The following CFDP1 variants were observed in gnomAD, a reference collection of about 807,000 sequenced individuals.
CFDP1 encodes the protein heterochromatin-stabilizing protein CFDP1.
In CFDP1, 31 loss-of-function variants were observed where a neutral mutation model predicts 40.1. That is an observed-to-expected ratio of 0.77 (90% CI 0.58 to 1.04). CFDP1 has a LOEUF of 1.04. CFDP1 is among the 50% of genes least tolerant of loss of function. The pLI is 0.00. For synonymous variants in CFDP1, 167 were observed against 120.0 expected, an observed-to-expected ratio of 1.39 and a Z score of -2.56; for missense variants, 423 against 343.4, an observed-to-expected ratio of 1.23 and a Z score of -1.83.
intron 6 of CFDP1, among the ~76,000 whole-genome samples, chr16:75,296,587 C>A (rs181292165): frequency 2.6e-5 from 4 of 152,142 alleles, no homozygotes; most frequent in Non-Finnish European, 4.4e-5. Context: ...TAACTGGGTA[C>A]GAATAAAGGT....
chr16:75,296,005 G>C (rs1053787222), intron 6 of CFDP1, among the ~76,000 whole-genome samples: 17 of 152,130 alleles, frequency 1.1e-4, no homozygotes, highest in African/African-American at 3.9e-4. Flanking sequence ...CCCAAGGGAG[G>C]CTCACTACCA....
chr16:75,400,694 A>G (rs2079044270), intron 4 of CFDP1, among the ~76,000 whole-genome samples: 1 of 152,214 alleles, frequency 6.6e-6, no homozygotes, highest in Non-Finnish European at 1.5e-5. Context: ...AAATCTATGT[A>G]TTCATTCTTC....
chr16:75,356,585 C>G (rs926807432), intron 5 of CFDP1, among the ~76,000 whole-genome samples: 4 of 152,126 alleles, frequency 2.6e-5, no homozygotes, highest in Admixed American at 1.3e-4. Context: ...TGAGCACTGA[C>G]TTCAACTTAA....
rs71158596 is a variant in CFDP1, at chr16:75,297,146, T to TTG, written c.810-3106_810-3105dup. ...GCTTGGGGTTCTTGCTTCCCATTTC[T>TTG]TGTGTGTGTGTGTGTGTGTCTGTGT... On this transcript the variant is annotated intron_variant, in intron 6 of 6. Transcript: ENST00000283882. Among the ~76,000 whole-genome samples, 1,184 of 133,066 alleles carry TTG rather than the reference T, an allele frequency of 8.9e-3. 11 individuals carry two copies. The highest frequency in any genetic ancestry group is 0.029 in the African/African-American group (1,070 of 37,300). 87.3% of individuals were successfully genotyped at this position (133,066 alleles called of 152,430 possible). A position where few individuals can be genotyped will look rare whatever the true frequency, so the allele number is the denominator to read the frequency against.
chr16:75,369,244 A>G (rs2078735809), intron 5 of CFDP1, among the ~76,000 whole-genome samples: 1 of 152,190 alleles, frequency 6.6e-6, no homozygotes, highest in South Asian at 2.1e-4. Context: ...GAATAATAAA[A>G]AAAGTAGCTT....
chr16:75,348,711 T>C (rs1407063062), intron 5 of CFDP1, among the ~76,000 whole-genome samples: 3 of 152,228 alleles, frequency 2.0e-5, no homozygotes, highest in African/African-American at 7.2e-5. Flanking sequence ...TGTGTTGCCA[T>C]ATTATCTTTC....
chr16:75,354,192 G>A (rs2078631396), intron 5 of CFDP1, among the ~76,000 whole-genome samples: 1 of 152,202 alleles, frequency 6.6e-6, no homozygotes. Context: ...GGTAGGCTAG[G>A]CCAAGCTTTG....
chr16:75,427,821 A>G (rs1180396543), intron 1 of CFDP1, among the ~76,000 whole-genome samples: 1 of 152,258 alleles, frequency 6.6e-6, no homozygotes, highest in Non-Finnish European at 1.5e-5. Context: ...ATTTGTAATC[A>G]TAAAAAATTG....
chr16:75,326,335 T>G (rs2078400855), intron 5 of CFDP1, among the ~76,000 whole-genome samples: 1 of 152,180 alleles, frequency 6.6e-6, no homozygotes, highest in South Asian at 2.1e-4. Context: ...CTCTGGAAGC[T>G]AAAAACCAAC....
intron 5 of CFDP1, among the ~76,000 whole-genome samples, chr16:75,321,620 C>T (rs372815465): frequency 1.3e-5 from 2 of 152,150 alleles, no homozygotes; most frequent in Non-Finnish European, 1.5e-5. Flanking sequence ...TAGTGATAAG[C>T]GGAAAAGAGG....
intron 5 of CFDP1, chr16:75,362,992 G>C (rs1301892745): frequency 6.6e-6 from 1 of 152,088 alleles, no homozygotes; most frequent in African/African-American, 2.4e-5. Context: ...CTGAAATCCA[G>C]ATACTTGTCT....
At chr16:75,387,432 C>A (rs975473546) in intron 5 of CFDP1, among the ~76,000 whole-genome samples, 1 of 152,126 alleles carries the variant, frequency 6.6e-6, no homozygotes, top group African/African-American at 2.4e-5. Context: ...TGAGCCACTG[C>A]GCCCGGCCAG....
At chr16:75,364,067 T>C (rs1446391010) in intron 5 of CFDP1, among the ~76,000 whole-genome samples, 1 of 152,000 alleles carries the variant, frequency 6.6e-6, no homozygotes, top group East Asian at 1.9e-4. Context: ...ATTGGAGATG[T>C]GTCCTCTGAG....
At chr16:75,432,371 A>C (rs1389351201) in intron 1 of CFDP1, among the ~76,000 whole-genome samples, 13 of 1,044 alleles carry the variant, frequency 0.012, no homozygotes, top group African/African-American at 0.014. Context: ...TGCCATTTCT[A>C]AAAAAAAAAA....
intron 1 of CFDP1, among the ~76,000 whole-genome samples, chr16:75,426,153 C>T (rs1212713345): frequency 1.3e-5 from 2 of 150,552 alleles, no homozygotes; most frequent in East Asian, 1.9e-4. Flanking sequence ...GAGTTCAAGA[C>T]CAGCCTGACC....
chr16:75,432,525 T>C (rs2079434046), intron 1 of CFDP1, among the ~76,000 whole-genome samples: 1 of 151,996 alleles, frequency 6.6e-6, no homozygotes, highest in African/African-American at 2.4e-5. Context: ...CACTCCAGCC[T>C]AGACAACAGC....
At chr16:75,403,911 C>T (rs1050948227) in intron 4 of CFDP1, among the ~76,000 whole-genome samples, 4 of 151,934 alleles carry the variant, frequency 2.6e-5, no homozygotes, top group African/African-American at 9.7e-5. Context: ...GTGGGCGTAT[C>T]ATTTGAGGTC....
Position 75,341,018 on chromosome 16 carries a change from T to C in CFDP1, c.651-35836A>G, listed in dbSNP as rs190880185. ...CTTGGAAGTAAAAAAAATATTTTCA[T>C]GATGACCATTCTTTTCTCAGGCTGG... On this transcript the variant is annotated intron_variant, in intron 5 of 6. Transcript: ENST00000283882. Among the ~76,000 whole-genome samples the C allele has an allele frequency of 3.5e-3, 532 of 152,290 alleles. 2 individuals carry two copies. Among genetic ancestry groups the C allele is most frequent in the African/African-American group, 0.012 (517 of 41,560 alleles).
At chr16:75,396,911 T>A (rs62059846) in intron 4 of CFDP1, among the ~76,000 whole-genome samples, 78,818 of 151,564 alleles carry the variant, frequency 0.52, 21,500 homozygotes, top group Admixed American at 0.64. Context: ...TTGTTTTTTG[T>A]TTGTTTGTTT....
Sources: gnomAD v4.1 joint callset for allele counts (sites outside exome capture counted in the v4.1 genomes callset) on GRCh38, gnomAD v4.1.1 for gene constraint, MANE v1.5 for transcripts, NCBI Gene and HGNC (gene_info 2026-07-23, HGNC 2026-07-21) for gene names.